B4GALT1: variants seen among roughly 807,000 people sequenced by gnomAD.
The protein encoded by B4GALT1 is N-acetyllactosamine synthase.
B4GALT1 carries 16 observed loss-of-function variants against 34.9 expected under a neutral mutation model. The ratio of observed to expected loss-of-function variants is 0.46; its 90% confidence interval spans 0.31 to 0.70. The LOEUF is 0.70. B4GALT1 is among the 30% of genes least tolerant of loss of function. The probability of loss-of-function intolerance (pLI) is 0.05; values close to 1 mark genes in which losing one functional copy is unlikely to be tolerated. For synonymous variants in B4GALT1, 221 were observed against 218.1 expected (o/e 1.01, Z -0.12); for missense variants, 445 against 530.5 (o/e 0.84, Z 1.58).
intron 1 of B4GALT1, among the ~76,000 whole-genome samples, chr9:33,148,966 G>A (rs1356106535): frequency 2.0e-5 from 3 of 152,150 alleles, no homozygotes; most frequent in African/African-American, 7.2e-5. Context: ...GATAGTAAAG[G>A]ATTATGATTT....
chr9:33,148,405 G>A (rs1840460067), intron 1 of B4GALT1, among the ~76,000 whole-genome samples: 1 of 152,170 alleles, frequency 6.6e-6, no homozygotes, highest in Non-Finnish European at 1.5e-5. Context: ...TGTAAACTGA[G>A]GCAGCCATTC....
intron 1 of B4GALT1, among the ~76,000 whole-genome samples, chr9:33,149,995 T>C (rs1350528368): frequency 6.6e-6 from 1 of 152,184 alleles, no homozygotes; most frequent in Non-Finnish European, 1.5e-5. Context: ...TCCTAAGGCC[T>C]GTAGATGACA....
chr9:33,175,020 T>TATATATAA, the B4GALT1 span, among the ~76,000 whole-genome samples: 244 of 38,904 alleles, frequency 6.3e-3, 49 homozygotes, highest in South Asian at 9.2e-3. Flanking sequence ...TATATATATA[T>TATATATAA]AAAATTGGAG....
downstream of B4GALT1, among the ~76,000 whole-genome samples, chr9:33,108,925 T>G (rs1464245962): frequency 6.6e-6 from 1 of 151,652 alleles, no homozygotes; most frequent in Non-Finnish European, 1.5e-5. Context: ...GAATCTTTTG[T>G]TCTAATATTT....
chr9:33,141,860 A>C (rs974567632), intron 1 of B4GALT1, among the ~76,000 whole-genome samples: 3 of 152,112 alleles, frequency 2.0e-5, no homozygotes, highest in Admixed American at 6.5e-5. Context: ...CCTACAAGAA[A>C]ACCTGACAGA....
chr9:33,129,898 G>A (rs556470124), intron 2 of B4GALT1, among the ~76,000 whole-genome samples: 1 of 152,312 alleles, frequency 6.6e-6, no homozygotes, highest in African/African-American at 2.4e-5. Flanking sequence ...GTGGAGAGGA[G>A]GAGGAAGTGG....
At chr9:33,120,658 A>G (rs758638153) in intron 2 of B4GALT1, 52 bp from the exon 3 acceptor site, 1 of 1,582,086 alleles carries the variant, frequency 6.3e-7, no homozygotes, top group Non-Finnish European at 8.6e-7. Context: ...CCTTTGGGCC[A>G]AACACTCACA....
At chr9:33,154,067 G>T (rs1840563355) in intron 1 of B4GALT1, among the ~76,000 whole-genome samples, 1 of 149,506 alleles carries the variant, frequency 6.7e-6, no homozygotes, top group East Asian at 2.0e-4. Context: ...GGGAGGGAAA[G>T]ACTACAGACC....
intron 3 of B4GALT1, among the ~76,000 whole-genome samples, chr9:33,119,757 T>C (rs1839993487): frequency 6.6e-6 from 1 of 151,948 alleles, no homozygotes; most frequent in African/African-American, 2.4e-5. Context: ...TGCTGAGGTA[T>C]ACAAGCTAAA....
At chr9:33,175,356 G>A in the B4GALT1 span, among the ~76,000 whole-genome samples, 3 of 151,986 alleles carry the variant, frequency 2.0e-5, no homozygotes, top group East Asian at 1.9e-4. Flanking sequence ...GGGATGACCA[G>A]TGAAACTTGG....
chr9:33,173,591 G>GGTAT, the B4GALT1 span, among the ~76,000 whole-genome samples: 13 of 143,062 alleles, frequency 9.1e-5, no homozygotes, highest in African/African-American at 3.1e-4. Context: ...AAATAAGAAT[G>GGTAT]GTGTGTGTGT....
chr9:33,126,615 A>G (rs1840103680), intron 2 of B4GALT1, among the ~76,000 whole-genome samples: 1 of 152,230 alleles, frequency 6.6e-6, no homozygotes, highest in Non-Finnish European at 1.5e-5. Flanking sequence ...ACTATTGTTA[A>G]CCATAGTTAA....
chr9:33,136,898 C>G (rs1005851785), intron 1 of B4GALT1, among the ~76,000 whole-genome samples: 16 of 152,198 alleles, frequency 1.1e-4, no homozygotes, highest in Non-Finnish European at 1.9e-4. Context: ...CCAAGCACCC[C>G]CTACTCCCGG....
rs151196277 is a variant in B4GALT1 at position 33,143,574 on chromosome 9, C to A, written c.413-8150G>T. ...TTTACAGGTTCTTGAGTCCTACTCACCAGATTGATTTGATAAGCCTGGGGC... is the reference window on the plus strand; with the variant it reads ...TTTACAGGTTCTTGAGTCCTACTCAACAGATTGATTTGATAAGCCTGGGGC... On this transcript the variant is annotated intron_variant, in intron 1 of 5. Transcript: ENST00000379731. Among the ~76,000 whole-genome samples, 420 of 152,360 alleles carry A rather than the reference C, an allele frequency of 2.8e-3. 2 individuals carry two copies. Among genetic ancestry groups the A allele is most frequent in the African/African-American group, 9.1e-3 (380 of 41,580 alleles).
chr9:33,148,118 T>C (rs1840455811), intron 1 of B4GALT1, among the ~76,000 whole-genome samples: 2 of 152,096 alleles, frequency 1.3e-5, no homozygotes, highest in Admixed American at 1.3e-4. Flanking sequence ...GATTAATATC[T>C]AGGATGTATA....
At chr9:33,155,517 A>T (rs1587748357) in intron 1 of B4GALT1, among the ~76,000 whole-genome samples, 1 of 152,316 alleles carries the variant, frequency 6.6e-6, no homozygotes, top group Non-Finnish European at 1.5e-5. Flanking sequence ...AACAACGTCC[A>T]CCTGAAGGGA....
In B4GALT1 at chr9:33,120,510, C is replaced by T. The variant is rs769525718; in HGVS notation, c.745G>A (p.Val249Met). The T allele has an allele frequency of 5.6e-6, 9 of 1,614,178 alleles. No homozygotes were observed. Among genetic ancestry groups the T allele is most frequent in the South Asian group, 2.2e-5 (2 of 91,080 alleles). ...YDYTCFVFSD[V>M]DLIPMNDHNA... ...TGGTCATTCATTGGAATGAGGTCCA[C>T]GTCACTAAACACAAAGCAGGTGTAG... The change falls in exon 3 of 6, where the codon GTG becomes ATG. Residue 249 changes from valine (V) to methionine (M), a missense_variant. Coordinates refer to ENST00000379731, the MANE Select transcript of B4GALT1 (RefSeq NM_001497.4).
At chr9:33,167,624 C>T (rs953967817), upstream of B4GALT1, among the ~76,000 whole-genome samples, 1 of 152,244 alleles carries the variant, frequency 6.6e-6, no homozygotes, top group Non-Finnish European at 1.5e-5. Flanking sequence ...TCCTCTTCCT[C>T]CTCCACGCTG....
At chr9:33,134,552 T>C (rs1428551821) in intron 2 of B4GALT1, among the ~76,000 whole-genome samples, 2 of 152,264 alleles carry the variant, frequency 1.3e-5, no homozygotes, top group African/African-American at 2.4e-5. Flanking sequence ...GCCATGGTGA[T>C]GAAAGTTGAC....
Sources: gnomAD v4.1 joint callset for allele counts (sites outside exome capture counted in the v4.1 genomes callset) on GRCh38, gnomAD v4.1.1 for gene constraint, MANE v1.5 for transcripts, NCBI Gene and HGNC (gene_info 2026-07-23, HGNC 2026-07-21) for gene names.